The following MAP3K3 variants were observed in gnomAD, a reference collection of about 807,000 sequenced individuals.
The protein encoded by MAP3K3 is MAP/ERK kinase kinase 3.
Under a neutral mutation model 80.9 loss-of-function variants are expected in MAP3K3, and 12 were observed. That is an observed-to-expected ratio of 0.15 (90% CI 0.10 to 0.24). MAP3K3 has a LOEUF of 0.24. MAP3K3 is among the 10% of genes least tolerant of loss of function. MAP3K3 has a pLI of 1.00. For synonymous variants in MAP3K3, 272 were observed against 307.1 expected (o/e 0.89, Z 1.19); for missense variants, 596 against 834.7 (o/e 0.71, Z 3.52).
intron 7 of MAP3K3, among the ~76,000 whole-genome samples, chr17:63,684,560 G>GA (rs1431930937): frequency 2.6e-5 from 4 of 152,072 alleles, no homozygotes; most frequent in African/African-American, 7.2e-5. Flanking sequence ...TATTAAATGG[G>GA]AAAAAATATT....
chr17:63,656,812 T>G (rs2034779362), intron 4 of MAP3K3, among the ~76,000 whole-genome samples: 1 of 152,160 alleles, frequency 6.6e-6, no homozygotes, highest in African/African-American at 2.4e-5. Flanking sequence ...CACGCTGCTG[T>G]AAAAAACTGC....
Position 63,689,177 on chromosome 17 carries a change from T to C in MAP3K3, c.871+296T>C, listed in dbSNP as rs2035527823. ...CCACAGCAGCAGGTGGCCTGGGCCCTGTAGAGGGGTAAGGAGTAGGATACA... is the reference window on the plus strand; with the variant it reads ...CCACAGCAGCAGGTGGCCTGGGCCCCGTAGAGGGGTAAGGAGTAGGATACA... On this transcript the variant is annotated intron_variant, in intron 10 of 15. Coordinates refer to ENST00000361733, the MANE Select transcript of MAP3K3 (RefSeq NM_002401.5). The surrounding 1 kb of genome is among the most constrained non-coding windows in gnomAD (Gnocchi z 4.3). 5.4e-6 allele frequency: 3 copies of C among 555,466 alleles called. No individual in the cohort carries two copies. The highest frequency in any genetic ancestry group is 6.4e-5 in the Admixed American group (2 of 31,098). The allele number at this position is 555,466 out of a possible 1,614,324, so 34.4% of individuals were successfully genotyped here.
chr17:63,684,667 A>G (rs537365318), intron 7 of MAP3K3, among the ~76,000 whole-genome samples: 1 of 152,280 alleles, frequency 6.6e-6, no homozygotes, highest in East Asian at 1.9e-4. Flanking sequence ...TTAAAAAAAT[A>G]TTTAAACAGA....
intron 1 of MAP3K3, among the ~76,000 whole-genome samples, chr17:63,625,203 T>TA (rs1272577231): frequency 6.6e-6 from 1 of 152,244 alleles, no homozygotes; most frequent in East Asian, 1.9e-4. Flanking sequence ...CTTGGGTTAA[T>TA]AAAAACATGT....
At chr17:63,636,860 T>C in intron 2 of MAP3K3, 1 of 376,038 alleles carries the variant, frequency 2.7e-6, no homozygotes, top group South Asian at 3.5e-5. Flanking sequence ...AAGTCCTCCA[T>C]CCCGCTGGAC....
At chr17:63,675,907 G>A (rs2035210694) in intron 6 of MAP3K3, among the ~76,000 whole-genome samples, 1 of 152,186 alleles carries the variant, frequency 6.6e-6, no homozygotes, top group African/African-American at 2.4e-5. Flanking sequence ...TGGTAAATAC[G>A]TAGTTTTATG....
chr17:63,689,520 C>A lies in MAP3K3; in HGVS notation c.872-24C>A, dbSNP rs1877316. ...CGTAGCCTGGGGTGTGACTTGCTCTCCTCTGGCCCTTGCACCCTTTCAGGC... is the reference window on the plus strand; with the variant it reads ...CGTAGCCTGGGGTGTGACTTGCTCTACTCTGGCCCTTGCACCCTTTCAGGC... On this transcript the variant is annotated intron_variant, in intron 10 of 15. Coordinates refer to ENST00000361733, the MANE Select transcript of MAP3K3 (RefSeq NM_002401.5). The surrounding 1 kb of genome is among the most constrained non-coding windows in gnomAD (Gnocchi z 4.3). The A allele has an allele frequency of 0.26, 418,531 of 1,600,324 alleles. 56,831 individuals carry two copies. Among genetic ancestry groups the A allele is most frequent in the African/African-American group, 0.35 (25,799 of 74,674 alleles).
intron 6 of MAP3K3, among the ~76,000 whole-genome samples, chr17:63,677,837 C>CAAAG (rs1470448727): frequency 2.0e-5 from 3 of 151,980 alleles, no homozygotes; most frequent in Middle Eastern, 3.4e-3. Flanking sequence ...CACTGCACTC[C>CAAAG]AAAGAAAGAA....
At chr17:63,684,139 G>T (rs1314655638) in intron 7 of MAP3K3, among the ~76,000 whole-genome samples, 5 of 152,074 alleles carry the variant, frequency 3.3e-5, no homozygotes, top group African/African-American at 4.8e-5. Context: ...ACCCTGTCTC[G>T]AACAACAGCA....
At chr17:63,651,885 G>A (rs911851287) in intron 3 of MAP3K3, among the ~76,000 whole-genome samples, 1 of 152,144 alleles carries the variant, frequency 6.6e-6, no homozygotes, top group African/African-American at 2.4e-5. Context: ...AATCAGTATG[G>A]AGATTCTTAT....
intron 3 of MAP3K3, among the ~76,000 whole-genome samples, chr17:63,649,139 T>A: frequency 6.6e-6 from 1 of 152,028 alleles, no homozygotes; most frequent in East Asian, 1.9e-4. Context: ...CTTTTTCTTT[T>A]AAGACAGGGT....
chr17:63,689,566 A>G lies in MAP3K3; in HGVS notation c.894A>G (p.Ile298Met). 1 of 1,613,610 alleles carries G rather than the reference A, an allele frequency of 6.2e-7. No homozygotes were observed. The highest frequency in any genetic ancestry group is 8.5e-7 in the Non-Finnish European group (1 of 1,179,740). ...YSDGRRTFPR[I>M]RRHQGNLFTL... ...CAGGCAGAAGAACATTTCCCCGAATACGGCGTCATCAAGGCAACTTGTTCA... is the reference window on the plus strand; with the variant it reads ...CAGGCAGAAGAACATTTCCCCGAATGCGGCGTCATCAAGGCAACTTGTTCA... Residue 298 changes from isoleucine (I) to methionine (M), a missense_variant, in exon 11 of 16, where the codon ATA becomes ATG. By Grantham distance (10) the Ile-to-Met change is conservative. This residue lies in a region of MAP3K3 where 364 missense variants were observed against 588.9 expected (regional missense o/e 0.62). Coordinates refer to ENST00000361733, the MANE Select transcript of MAP3K3 (RefSeq NM_002401.5). This position sits in a 1 kb window ranked among gnomAD's most constrained non-coding sequence, Gnocchi z 4.3.
At chr17:63,628,616 T>A (rs2034154336) in intron 1 of MAP3K3, among the ~76,000 whole-genome samples, 1 of 152,204 alleles carries the variant, frequency 6.6e-6, no homozygotes, top group Admixed American at 6.5e-5. Context: ...TGCCTTAGCC[T>A]CCCAAAGTGC....
At chr17:63,650,990 C>T (rs2034644358) in intron 3 of MAP3K3, among the ~76,000 whole-genome samples, 1 of 151,796 alleles carries the variant, frequency 6.6e-6, no homozygotes, top group African/African-American at 2.4e-5. Flanking sequence ...TTTTTTAATT[C>T]TGTATTTTCT....
chr17:63,640,827 A>G (rs1454999193), intron 2 of MAP3K3, among the ~76,000 whole-genome samples: 2 of 152,160 alleles, frequency 1.3e-5, no homozygotes, highest in Non-Finnish European at 2.9e-5. Context: ...AGAGTATAGA[A>G]CTTGATTCTG....
chr17:63,662,067 C>T (rs939628599), intron 5 of MAP3K3, among the ~76,000 whole-genome samples: 2 of 151,456 alleles, frequency 1.3e-5, no homozygotes, highest in African/African-American at 2.4e-5. Context: ...TGCGCCATTG[C>T]ACTCCAGCCT....
rs1026467116 is a variant in MAP3K3 at position 63,689,448 on chromosome 17, C to T, written c.872-96C>T. On this transcript the variant is annotated intron_variant, in intron 10 of 15. Coordinates refer to ENST00000361733, the MANE Select transcript of MAP3K3 (RefSeq NM_002401.5). The surrounding 1 kb of genome is among the most constrained non-coding windows in gnomAD (Gnocchi z 4.3). ...TGGCTGAGACCTGGTTTGTATATTC[C>T]GCCTTGTAGCCCGGGGTGTCTCAGA... 1 of 1,079,600 alleles carries T rather than the reference C, an allele frequency of 9.3e-7. No homozygotes were observed. The allele number at this position is 1,079,600 out of a possible 1,614,324, so 66.9% of individuals were successfully genotyped here. A position where few individuals can be genotyped will look rare whatever the true frequency, so the allele number is the denominator to read the frequency against.
At chr17:63,629,681 A>T (rs576344513) in intron 1 of MAP3K3, among the ~76,000 whole-genome samples, 1 of 152,328 alleles carries the variant, frequency 6.6e-6, no homozygotes, top group East Asian at 1.9e-4. Context: ...GAACCTGTCT[A>T]CCTCTAGGAA....
chr17:63,640,502 T>C (rs2034418144), intron 2 of MAP3K3, among the ~76,000 whole-genome samples: 1 of 152,206 alleles, frequency 6.6e-6, no homozygotes, highest in South Asian at 2.1e-4. Flanking sequence ...GGGGTATTTT[T>C]AGTTTTTAGT....
Sources: gnomAD v4.1 joint callset for allele counts (sites outside exome capture counted in the v4.1 genomes callset) on GRCh38, gnomAD v4.1.1 for gene constraint, gnomAD v4.1.1 regional missense constraint, Gnocchi (gnomAD v3.1) non-coding constraint, MANE v1.5 for transcripts, NCBI Gene and HGNC (gene_info 2026-07-23, HGNC 2026-07-21) for gene names.